Variants in SUGCT observed in about 807,000 individuals in gnomAD.
The protein encoded by SUGCT is succinyl-CoA:glutarate-CoA transferase.
In SUGCT, 41 loss-of-function variants were observed where a neutral mutation model predicts 55.0. The observed-to-expected ratio is 0.74, with a 90% CI of 0.58 to 0.97. The LOEUF (loss-of-function observed/expected upper bound fraction) is 0.97, where lower values mean the gene tolerates loss of function less well. SUGCT is among the 50% of genes least tolerant of loss of function. The pLI, the probability that SUGCT is intolerant of heterozygous loss-of-function variation, is 0.00. For missense variants in SUGCT, 568 were observed against 547.8 expected, an observed-to-expected ratio of 1.04 and a Z score of -0.37; for synonymous variants, 187 against 200.4, an observed-to-expected ratio of 0.93 and a Z score of 0.56.
chr7:40,901,479 A>G, the SUGCT span, among the ~76,000 whole-genome samples: 5 of 151,204 alleles, frequency 3.3e-5, no homozygotes, highest in African/African-American at 1.2e-4. Context: ...CCATCACCTT[A>G]GTATACTAGA....
chr7:40,160,655 A>G (rs1326479379), intron 1 of SUGCT, among the ~76,000 whole-genome samples: 2 of 152,244 alleles, frequency 1.3e-5, no homozygotes, highest in East Asian at 3.8e-4. Context: ...TATAATTCAT[A>G]TAAACCTATA....
chr7:40,719,704 C>T lies in SUGCT; in HGVS notation c.1090-29730C>T, dbSNP rs949960650. Among the ~76,000 whole-genome samples, 7 of 152,132 alleles carry T rather than the reference C, an allele frequency of 4.6e-5. No homozygotes were observed. In the South Asian group the frequency reaches 1.0e-3, roughly 22 times the overall value. ...CTGTTGGGCGAGATGAGGTGAGAAG[C>T]AATGAAGCTGCTGAAATAAAGGTGC... is the stretch of plus-strand genomic sequence containing the variant. On this transcript the variant is annotated intron_variant, in intron 12 of 13. Transcript: ENST00000335693.
chr7:40,748,860 G>T (rs1787870078), intron 12 of SUGCT, among the ~76,000 whole-genome samples: 2 of 152,000 alleles, frequency 1.3e-5, no homozygotes. Flanking sequence ...TCTGACCTGG[G>T]TCTCCTCTGG....
In SUGCT at chr7:40,352,560, G is replaced by A. The variant is rs185867662; in HGVS notation, c.816+35705G>A. 3.9e-5 allele frequency among the ~76,000 whole-genome samples: 6 copies of A among 152,168 alleles called. No homozygotes were observed. The East Asian group carries it at 7.7e-4, about 20-fold the overall frequency. The stretch of plus-strand genomic sequence containing the variant: ...TCCCACATGTAAGTAAGAACATGGC[G>A]GTGTTTGGTTTTCTCTTTCTGTGTT... On this transcript the variant is annotated intron_variant, in intron 9 of 13. Coordinates refer to ENST00000335693, the MANE Select transcript of SUGCT (RefSeq NM_001193313.2).
chr7:40,582,727 C>T (rs1797168659), intron 12 of SUGCT, among the ~76,000 whole-genome samples: 1 of 152,264 alleles, frequency 6.6e-6, no homozygotes, highest in South Asian at 2.1e-4. Flanking sequence ...AATGACTTTG[C>T]TTCAACTTCC....
chr7:40,897,495 G>A, the SUGCT span, among the ~76,000 whole-genome samples: 3 of 151,702 alleles, frequency 2.0e-5, no homozygotes, highest in East Asian at 1.9e-4. Context: ...CTTCCAGCAC[G>A]TGAGGAAGCC....
chr7:40,890,839 T>C, the SUGCT span, among the ~76,000 whole-genome samples: 2 of 152,166 alleles, frequency 1.3e-5, no homozygotes, highest in Non-Finnish European at 2.9e-5. Context: ...TCTATGAACC[T>C]CTTGACAAAG....
intron 13 of SUGCT, among the ~76,000 whole-genome samples, chr7:40,839,948 G>C (rs1455642341): frequency 6.6e-6 from 1 of 152,072 alleles, no homozygotes; most frequent in African/African-American, 2.4e-5. Flanking sequence ...CAGAAGAGGA[G>C]AGCATCCCAA....
At chr7:40,519,323 G>A (rs906352083) in intron 12 of SUGCT, among the ~76,000 whole-genome samples, 2 of 152,004 alleles carry the variant, frequency 1.3e-5, no homozygotes, top group Admixed American at 1.3e-4. Context: ...AAAGTCTTTA[G>A]TTTAGTTAAT....
chr7:40,433,388 G>T (rs1484207520), intron 9 of SUGCT, among the ~76,000 whole-genome samples: 2 of 150,834 alleles, frequency 1.3e-5, no homozygotes, highest in Non-Finnish European at 2.9e-5. Flanking sequence ...GTTTCAAAAA[G>T]TATGTGACAT....
intron 12 of SUGCT, among the ~76,000 whole-genome samples, chr7:40,534,670 A>G (rs549408282): frequency 1.5e-4 from 23 of 152,228 alleles, no homozygotes; most frequent in African/African-American, 5.3e-4. Context: ...CCACCCACCT[A>G]GGCCTCCCAA....
chr7:40,484,824 A>G (rs1791241788), intron 11 of SUGCT, among the ~76,000 whole-genome samples: 1 of 152,130 alleles, frequency 6.6e-6, no homozygotes. Context: ...CATCACTTAC[A>G]GAGCTTTGTG....
At chr7:40,279,699 C>G (rs1584548982) in intron 8 of SUGCT, among the ~76,000 whole-genome samples, 1 of 152,034 alleles carries the variant, frequency 6.6e-6, no homozygotes, top group East Asian at 1.9e-4. Context: ...CCTTGACTGA[C>G]TTCAATTTGT....
chr7:40,955,779 C>G, the SUGCT span, among the ~76,000 whole-genome samples: 1 of 152,048 alleles, frequency 6.6e-6, no homozygotes, highest in Non-Finnish European at 1.5e-5. Flanking sequence ...TCATAAATAG[C>G]TCTTATTATT....
At chr7:40,290,586 T>C (rs962474777) in intron 8 of SUGCT, among the ~76,000 whole-genome samples, 3 of 152,182 alleles carry the variant, frequency 2.0e-5, no homozygotes, top group African/African-American at 7.2e-5. Flanking sequence ...ATTCAGGACA[T>C]AGGCATGGGC....
At chr7:40,178,530 C>A (rs1035180727) in intron 1 of SUGCT, among the ~76,000 whole-genome samples, 1 of 151,946 alleles carries the variant, frequency 6.6e-6, no homozygotes, top group Non-Finnish European at 1.5e-5. Context: ...GAAAGAATTT[C>A]TCCCCTCAGA....
intron 9 of SUGCT, among the ~76,000 whole-genome samples, chr7:40,348,554 G>A (rs1797448513): frequency 6.6e-6 from 1 of 152,122 alleles, no homozygotes; most frequent in Non-Finnish European, 1.5e-5. Flanking sequence ...CATCAAGTCT[G>A]TGAGCCAATA....
chr7:40,159,163 G>A (rs901704598), intron 1 of SUGCT, among the ~76,000 whole-genome samples: 2 of 152,104 alleles, frequency 1.3e-5, no homozygotes, highest in Non-Finnish European at 2.9e-5. Context: ...CAAGTGATCC[G>A]CCTGCCTTGG....
intron 12 of SUGCT, among the ~76,000 whole-genome samples, chr7:40,573,889 T>C (rs1342796324): frequency 6.6e-6 from 1 of 152,240 alleles, no homozygotes. Context: ...TTCATGTTTC[T>C]TACTTTCTCC....
Sources: gnomAD v4.1 joint callset for allele counts (sites outside exome capture counted in the v4.1 genomes callset) on GRCh38, gnomAD v4.1.1 for gene constraint, MANE v1.5 for transcripts, NCBI Gene and HGNC (gene_info 2026-07-23, HGNC 2026-07-21) for gene names.